The following ZBTB38 variants were observed in gnomAD, a reference collection of about 807,000 sequenced individuals.
ZBTB38 encodes zinc finger and BTB domain-containing protein 38.
In ZBTB38, 20 loss-of-function variants were observed where a neutral mutation model predicts 76.8. The observed-to-expected ratio is 0.26, with a 90% CI of 0.18 to 0.38. The LOEUF is 0.38. Ranked by LOEUF, ZBTB38 falls within the 10% of genes least tolerant of loss-of-function variation. The pLI, the probability that ZBTB38 is intolerant of heterozygous loss-of-function variation, is 1.00. For missense variants in ZBTB38, 1,082 were observed against 1,482.3 expected (o/e 0.73, Z 4.43); for synonymous variants, 504 against 544.2 (o/e 0.93, Z 1.03).
intron 5 of ZBTB38, among the ~76,000 whole-genome samples, chr3:141,420,113 TCTG>T (rs1260827476): frequency 6.6e-6 from 1 of 152,164 alleles, no homozygotes; most frequent in Admixed American, 6.5e-5. Flanking sequence ...AAGGTGGTGT[TCTG>T]CTGGGTAAGC....
intron 1 of ZBTB38, among the ~76,000 whole-genome samples, chr3:141,359,125 A>G (rs1175826629): frequency 6.6e-6 from 1 of 152,202 alleles, no homozygotes; most frequent in Non-Finnish European, 1.5e-5. Flanking sequence ...GTGGTTCTCG[A>G]GTTGGCCCAG....
At chr3:141,423,940 CTG>C (rs1342323235) in intron 5 of ZBTB38, among the ~76,000 whole-genome samples, 1 of 152,208 alleles carries the variant, frequency 6.6e-6, no homozygotes, top group African/African-American at 2.4e-5. Flanking sequence ...TTTGTCAAGT[CTG>C]TAAACAGATC....
intron 1 of ZBTB38, among the ~76,000 whole-genome samples, chr3:141,354,395 C>T (rs1369753130): frequency 6.6e-6 from 1 of 152,104 alleles, no homozygotes; most frequent in Non-Finnish European, 1.5e-5. Context: ...CAACATGCTG[C>T]CTCGCAATCA....
Position 141,444,680 on chromosome 3 carries a change from G to A in ZBTB38, c.2292G>A (p.Val764=). The A allele has an allele frequency of 6.2e-7, 1 of 1,614,026 alleles. No individual in the cohort carries two copies. The highest frequency in any genetic ancestry group is 1.7e-5 in the Admixed American group (1 of 60,014). ...ACAGTAAGCCCGAGCCAGATAAAGT[G>A]GGTAGGTTTGCAAGCAGACCCAAAA... ...KDDSKPEPDK[V]GRFASRPKSI... The change falls in exon 6 of 6, where the codon GTG becomes GTA. Residue 764 remains valine (V), a synonymous_variant. Coordinates refer to ENST00000321464, the MANE Select transcript of ZBTB38 (RefSeq NM_001376113.1). The surrounding 1 kb of genome is among the most constrained non-coding windows in gnomAD (Gnocchi z 5.1).
intron 4 of ZBTB38, among the ~76,000 whole-genome samples, chr3:141,399,127 C>T (rs1189316574): frequency 2.1e-5 from 3 of 145,190 alleles, no homozygotes; most frequent in African/African-American, 7.7e-5. Flanking sequence ...ATTTATATTC[C>T]TTTTTTTTTT....
Position 141,434,005 on chromosome 3 carries a change from G to T in ZBTB38, c.1-8384G>T, listed in dbSNP as rs115473679. The stretch of plus-strand genomic sequence containing the variant: ...TTCTCAAGGCCGCTCTCTAGGGCCA[G>T]TTCCCCTCTGCTCACTCTCAACATC... On this transcript the variant is annotated intron_variant, in intron 5 of 5. Coordinates refer to ENST00000321464, the MANE Select transcript of ZBTB38 (RefSeq NM_001376113.1). 5.9e-3 allele frequency: 986 copies of T among 167,970 alleles called. 13 individuals carry two copies. Among genetic ancestry groups the T allele is most frequent in the African/African-American group, 0.022 (921 of 41,860 alleles). The allele number at this position is 167,970 out of a possible 1,614,324, so 10.4% of individuals were successfully genotyped here. A position where few individuals can be genotyped will look rare whatever the true frequency, so the allele number is the denominator to read the frequency against.
chr3:141,390,518 A>G (rs1948529637), intron 4 of ZBTB38, among the ~76,000 whole-genome samples: 3 of 152,188 alleles, frequency 2.0e-5, no homozygotes, highest in Non-Finnish European at 4.4e-5. Context: ...ATCCATTTCC[A>G]TGGATCCCCC....
intron 5 of ZBTB38, among the ~76,000 whole-genome samples, chr3:141,425,248 T>C (rs976636514): frequency 6.6e-6 from 1 of 152,230 alleles, no homozygotes; most frequent in African/African-American, 2.4e-5. Flanking sequence ...CTCTCAGTTC[T>C]TTCAGTTCAG....
chr3:141,421,219 GC>G (rs900388508), intron 5 of ZBTB38, among the ~76,000 whole-genome samples: 5 of 151,480 alleles, frequency 3.3e-5, no homozygotes, highest in African/African-American at 7.3e-5. Flanking sequence ...CCTAGCATCT[GC>G]CATTTGAGGA....
intron 3 of ZBTB38, among the ~76,000 whole-genome samples, chr3:141,384,301 T>A (rs1394045167): frequency 6.6e-6 from 1 of 152,228 alleles, no homozygotes; most frequent in Admixed American, 6.5e-5. Context: ...GTAAAGGGAA[T>A]AGAACACTAT....
At chr3:141,408,209 T>C (rs1268525302) in intron 5 of ZBTB38, among the ~76,000 whole-genome samples, 9 of 152,256 alleles carry the variant, frequency 5.9e-5, no homozygotes, top group African/African-American at 1.9e-4. Flanking sequence ...ATTTTTAGGC[T>C]AAAGTTCATA....
chr3:141,346,782 T>TTGTGTGTGTGTG (rs56345431), intron 1 of ZBTB38, among the ~76,000 whole-genome samples: 4,165 of 144,610 alleles, frequency 0.029, 185 homozygotes, highest in African/African-American at 0.094. Flanking sequence ...TTGTTTTGTT[T>TTGTGTGTGTGTG]TGTGTGTGTG....
intron 5 of ZBTB38, among the ~76,000 whole-genome samples, chr3:141,436,477 C>T (rs1452470178): frequency 6.6e-6 from 1 of 152,016 alleles, no homozygotes; most frequent in African/African-American, 2.4e-5. Flanking sequence ...GCCTGGTCTT[C>T]CTATTTTTCA....
intron 5 of ZBTB38, among the ~76,000 whole-genome samples, chr3:141,406,122 T>A (rs187786852): frequency 6.6e-6 from 1 of 152,312 alleles, no homozygotes; most frequent in African/African-American, 2.4e-5. Context: ...TGGAGAACAT[T>A]CAGTGCCAAA....
chr3:141,442,336 TAAA>T lies in ZBTB38; in HGVS notation c.1-52_1-50del. ...ACAGAAGTGGAAAATAGTCTAGAGA[TAAA>T]GAAGCCACCTGTGGAAGATTATCTG... On this transcript the variant is annotated intron_variant, in intron 5 of 5. Transcript: ENST00000321464. This position sits in a 1 kb window ranked among gnomAD's most constrained non-coding sequence, Gnocchi z 6.4. 7.2e-7 allele frequency: 1 copy of T among 1,386,432 alleles called. No individual in the cohort carries two copies. Among genetic ancestry groups the T allele is most frequent in the South Asian group, 1.3e-5 (1 of 75,568 alleles). 85.9% of individuals were successfully genotyped at this position (1,386,432 alleles called of 1,614,324 possible).
rs372805442 is a variant in ZBTB38, at chr3:141,444,106, G to C, written c.1718G>C (p.Cys573Ser). ...CTTTATAGGCTACTGCCTATGAAAT[G>C]CAAGAGAGCCCCTTATAAGAGCTAC... ...YKLYRLLPMK[C>S]KRAPYKSYRN... is the part of the protein sequence containing the mutation. The change falls in exon 6 of 6, where the codon TGC becomes TCC. Residue 573 changes from cysteine (C) to serine (S), a missense_variant. Cys to Ser is a moderately radical substitution (Grantham distance 112). Coordinates refer to ENST00000321464, the MANE Select transcript of ZBTB38 (RefSeq NM_001376113.1). This position sits in a 1 kb window ranked among gnomAD's most constrained non-coding sequence, Gnocchi z 5.1. 48 of 1,613,846 alleles carry C rather than the reference G, an allele frequency of 3.0e-5. No individual in the cohort carries two copies. Among genetic ancestry groups the C allele is most frequent in the Middle Eastern group, 1.6e-4 (1 of 6,082 alleles).
At chr3:141,379,475 A>G (rs1945884939) in intron 2 of ZBTB38, among the ~76,000 whole-genome samples, 1 of 152,108 alleles carries the variant, frequency 6.6e-6, no homozygotes, top group Admixed American at 6.5e-5. Flanking sequence ...CCAGCTTCCA[A>G]CTGTGCCTTA....
intron 1 of ZBTB38, among the ~76,000 whole-genome samples, chr3:141,369,168 T>C (rs977681461): frequency 2.6e-5 from 4 of 152,126 alleles, no homozygotes; most frequent in Non-Finnish European, 4.4e-5. Flanking sequence ...GCTTCCTAGA[T>C]CTTATACTGA....
rs115349781 is a variant in ZBTB38, at chr3:141,433,010, T to A, written c.1-9379T>A. On this transcript the variant is annotated intron_variant, in intron 5 of 5. Transcript: ENST00000321464. The stretch of plus-strand genomic sequence containing the variant: ...CACCTGTGTATAGTGTGGACCGGAC[T>A]GTTGGTCCGCCTGGTTTTTCAGCCA... 8.1e-3 allele frequency among the ~76,000 whole-genome samples: 1,241 copies of A among 152,320 alleles called. 16 individuals carry two copies. The highest frequency in any genetic ancestry group is 0.027 in the African/African-American group (1,112 of 41,576).
Sources: allele counts gnomAD v4.1 joint callset (sites outside exome capture counted in the v4.1 genomes callset), GRCh38; gene constraint gnomAD v4.1.1; non-coding constraint Gnocchi (gnomAD v3.1); transcripts MANE v1.5; gene names NCBI Gene and HGNC (gene_info 2026-07-23, HGNC 2026-07-21).